The following GRIK4 variants were observed in gnomAD, a reference collection of about 807,000 sequenced individuals.
GRIK4 encodes the protein glutamate receptor ionotropic, kainate 4.
GRIK4 carries 40 observed loss-of-function variants against 104.9 expected under a neutral mutation model. That is an observed-to-expected ratio of 0.38 (90% CI 0.30 to 0.50). The LOEUF (loss-of-function observed/expected upper bound fraction) is 0.50, where lower values mean the gene tolerates loss of function less well. GRIK4 is among the 20% of genes least tolerant of loss of function. The pLI, the probability that GRIK4 is intolerant of heterozygous loss-of-function variation, is 0.93. For synonymous variants in GRIK4, 485 were observed against 524.9 expected (o/e 0.92, Z 1.04); for missense variants, 1,047 against 1,308.1 (o/e 0.80, Z 3.08).
At chr11:120,622,608 G>T (rs1401637901) in intron 1 of GRIK4, among the ~76,000 whole-genome samples, 2 of 152,188 alleles carry the variant, frequency 1.3e-5, no homozygotes, top group Non-Finnish European at 2.9e-5. Flanking sequence ...TGTCATTATT[G>T]TATTAGTTTC....
intron 1 of GRIK4, among the ~76,000 whole-genome samples, chr11:120,540,721 C>T (rs1169351353): frequency 6.6e-6 from 1 of 152,110 alleles, no homozygotes; most frequent in East Asian, 1.9e-4. Context: ...GGGAAGCTTC[C>T]TGAGTTATAT....
At chr11:120,951,024 C>T (rs569222460) in intron 14 of GRIK4, among the ~76,000 whole-genome samples, 39 of 152,124 alleles carry the variant, frequency 2.6e-4, no homozygotes, top group African/African-American at 8.7e-4. Context: ...AGGGCAGTTC[C>T]GTGGTCTGAG....
intron 1 of GRIK4, chr11:120,515,103 T>C: frequency 2.2e-6 from 1 of 453,264 alleles, no homozygotes; most frequent in Non-Finnish European, 4.4e-6. Context: ...CACAACGTGG[T>C]GTCTGGCATG....
intron 3 of GRIK4, among the ~76,000 whole-genome samples, chr11:120,676,151 C>G (rs186382130): frequency 2.2e-3 from 339 of 152,270 alleles, no homozygotes; most frequent in Middle Eastern, 0.014. Flanking sequence ...TCCCCTGGCT[C>G]CATTTTCCTC....
In GRIK4 at chr11:120,819,482, G is replaced by C. The variant is rs7940214; in HGVS notation, c.346-273G>C. Among the ~76,000 whole-genome samples, 2,684 of 152,330 alleles carry C rather than the reference G, an allele frequency of 0.018. 75 individuals carry two copies. Among genetic ancestry groups the C allele is most frequent in the African/African-American group, 0.06 (2,492 of 41,570 alleles). The stretch of plus-strand genomic sequence containing the variant: ...ATTCTTTTGCCTTCTCAGGACCACA[G>C]ACCCCAGCTTGCAGACCCACGGTGC... On this transcript the variant is annotated intron_variant, in intron 5 of 20. Transcript: ENST00000527524. The surrounding 1 kb of genome is among the most constrained non-coding windows in gnomAD (Gnocchi z 4.3).
intron 1 of GRIK4, among the ~76,000 whole-genome samples, chr11:120,647,950 C>T (rs1447803375): frequency 1.3e-5 from 2 of 152,208 alleles, no homozygotes; most frequent in African/African-American, 2.4e-5. Flanking sequence ...TGGCGCAGTG[C>T]CATAGAGCTG....
At chr11:120,520,151 C>T (rs559616733) in intron 1 of GRIK4, among the ~76,000 whole-genome samples, 3 of 152,122 alleles carry the variant, frequency 2.0e-5, no homozygotes, top group East Asian at 3.9e-4. Flanking sequence ...CCTCAGCCCC[C>T]CAAAGTGCTG....
At chr11:120,946,647 G>A (rs1200138395) in intron 14 of GRIK4, among the ~76,000 whole-genome samples, 3 of 152,156 alleles carry the variant, frequency 2.0e-5, no homozygotes, top group African/African-American at 4.8e-5. Flanking sequence ...CTGGTTTAAC[G>A]GAACAGTGCC....
intron 12 of GRIK4, among the ~76,000 whole-genome samples, chr11:120,901,086 T>C (rs887607599): frequency 2.6e-5 from 4 of 152,234 alleles, no homozygotes; most frequent in Non-Finnish European, 2.9e-5. Flanking sequence ...CTCCATACTC[T>C]GCTGGCAGGC....
chr11:120,783,691 G>A (rs7109584), intron 3 of GRIK4, among the ~76,000 whole-genome samples: 20,411 of 151,880 alleles, frequency 0.13, 1,680 homozygotes, highest in African/African-American at 0.23. Context: ...CTTTCCCCTC[G>A]TCCCTCTATG....
intron 1 of GRIK4, among the ~76,000 whole-genome samples, chr11:120,559,932 T>C (rs1001890050): frequency 6.6e-6 from 1 of 151,982 alleles, no homozygotes; most frequent in Non-Finnish European, 1.5e-5. Flanking sequence ...GTCTCTCTGG[T>C]TTGTTTTGAG....
At chr11:120,690,706 T>G (rs1950344978) in intron 3 of GRIK4, among the ~76,000 whole-genome samples, 1 of 152,240 alleles carries the variant, frequency 6.6e-6, no homozygotes, top group African/African-American at 2.4e-5. Flanking sequence ...TGCTTTCTGA[T>G]GACTTTGCAC....
intron 14 of GRIK4, among the ~76,000 whole-genome samples, chr11:120,950,554 T>G (rs2186621): frequency 6.6e-6 from 1 of 152,018 alleles, no homozygotes; most frequent in African/African-American, 2.4e-5. Context: ...TGACAGGGCA[T>G]GTGGAATTCA....
In GRIK4 at chr11:120,773,823, C is replaced by A. The variant is rs74970083; in HGVS notation, c.83-28870C>A. Among the ~76,000 whole-genome samples the A allele has an allele frequency of 2.5e-3, 385 of 152,210 alleles. 2 individuals are homozygous for A. Among genetic ancestry groups the A allele is most frequent in the African/African-American group, 8.7e-3 (363 of 41,524 alleles). ...AAGGGTTTGAAGTTTAAACTTATAC[C>A]CTCTGCTGGTCCAAGAATTACCAAG... is the stretch of plus-strand genomic sequence containing the variant. On this transcript the variant is annotated intron_variant, in intron 3 of 20. Transcript: ENST00000527524.
chr11:120,597,761 G>C (rs1317313), intron 1 of GRIK4, among the ~76,000 whole-genome samples: 39 of 152,200 alleles, frequency 2.6e-4, no homozygotes, highest in Non-Finnish European at 4.3e-4. Context: ...ATCTGAAAGC[G>C]AAAGGGAAAT....
intron 9 of GRIK4, among the ~76,000 whole-genome samples, chr11:120,865,377 G>A (rs568833226): frequency 8.1e-4 from 123 of 152,280 alleles, no homozygotes; most frequent in African/African-American, 2.9e-3. Context: ...TATGTAGCCC[G>A]CGGACCTGTG....
At position 120,871,354 on chromosome 11, in the gene GRIK4, G is replaced by T. The variant is rs1248614791; in HGVS notation, c.907-2712G>T. The T allele has an allele frequency of 9.2e-6, 3 of 326,266 alleles. No individual in the cohort carries two copies. In the East Asian group the frequency reaches 2.3e-4, roughly 25 times the overall value. The allele number at this position is 326,266 out of a possible 1,614,324, so 20.2% of individuals were successfully genotyped here. A position where few individuals can be genotyped will look rare whatever the true frequency, so the allele number is the denominator to read the frequency against. On this transcript the variant is annotated intron_variant, in intron 9 of 20. Transcript: ENST00000527524. ...GTTACATGGAAGGACAAGGACGGTT[G>T]TAGGCTTGCAAAGGAGCATTCATTA...
intron 1 of GRIK4, among the ~76,000 whole-genome samples, chr11:120,642,411 T>A (rs1260994152): frequency 6.6e-6 from 1 of 151,578 alleles, no homozygotes; most frequent in Non-Finnish European, 1.5e-5. Flanking sequence ...AGCTGGGAGA[T>A]GCGGGTATTA....
intron 6 of GRIK4, among the ~76,000 whole-genome samples, chr11:120,826,300 C>T (rs79304595): frequency 9.2e-5 from 14 of 152,064 alleles, no homozygotes; most frequent in African/African-American, 2.2e-4. Flanking sequence ...CAGTATGGGA[C>T]GACCGAGACC....
Sources: allele counts gnomAD v4.1 joint callset (sites outside exome capture counted in the v4.1 genomes callset), GRCh38; gene constraint gnomAD v4.1.1; non-coding constraint Gnocchi (gnomAD v3.1); transcripts MANE v1.5; gene names NCBI Gene and HGNC (gene_info 2026-07-23, HGNC 2026-07-21).